Variants in CCDC102B observed in about 807,000 individuals in gnomAD.
The protein encoded by CCDC102B is coiled-coil domain containing 102B.
A neutral mutation model predicts 57.4 loss-of-function variants in CCDC102B; 75 were observed. The ratio of observed to expected loss-of-function variants is 1.31; its 90% CI spans 1.08 to 1.58. The LOEUF (loss-of-function observed/expected upper bound fraction) is 1.58, where lower values mean the gene tolerates loss of function less well. Among genes scored for constraint, CCDC102B ranks in the 40% most tolerant of loss-of-function variants. The pLI is 0.00. For missense variants in CCDC102B, 636 were observed against 582.6 expected, an observed-to-expected ratio of 1.09 and a Z score of -0.94; for synonymous variants, 206 against 201.9, an observed-to-expected ratio of 1.02 and a Z score of -0.17.
intron 6 of CCDC102B, among the ~76,000 whole-genome samples, chr18:68,900,602 G>A (rs74570112): frequency 0.018 from 2,693 of 152,098 alleles, 58 homozygotes; most frequent in East Asian, 0.081. Flanking sequence ...TAGTGGCATC[G>A]AAAGTGGGGT....
Position 69,054,840 on chromosome 18 carries a change from G to C in CCDC102B, c.*703G>C. 1 of 985,264 alleles carries C rather than the reference G, an allele frequency of 1.0e-6. No homozygotes were observed. Among genetic ancestry groups the C allele is most frequent in the Non-Finnish European group, 1.2e-6 (1 of 829,870 alleles). 61.0% of individuals were successfully genotyped at this position (985,264 alleles called of 1,614,324 possible). A position where few individuals can be genotyped will look rare whatever the true frequency, so the allele number is the denominator to read the frequency against. On this transcript the variant is annotated 3_prime_UTR_variant, in exon 8 of 8. Coordinates refer to ENST00000360242, the MANE Select transcript of CCDC102B (RefSeq NM_024781.3). Reference sequence around the variant, plus strand: ...AAAATCATGGAAAGGCATCAGCATTGCAAAGTAGCATCTAGGTAGAAATCA... The same window carrying C: ...AAAATCATGGAAAGGCATCAGCATTCCAAAGTAGCATCTAGGTAGAAATCA...
At chr18:68,933,127 C>T (rs2041734518) in intron 6 of CCDC102B, among the ~76,000 whole-genome samples, 2 of 151,342 alleles carry the variant, frequency 1.3e-5, no homozygotes, top group Admixed American at 6.6e-5. Flanking sequence ...AGAGATTATT[C>T]TTTTGCCATT....
chr18:68,727,550 A>G (rs2032654563), intron 2 of CCDC102B, among the ~76,000 whole-genome samples: 3 of 152,248 alleles, frequency 2.0e-5, no homozygotes, highest in Admixed American at 6.5e-5. Context: ...GTGGGACTCA[A>G]TGTATTCATG....
Position 69,006,873 on chromosome 18 carries a change from C to T in CCDC102B, c.1264-4061C>T, listed in dbSNP as rs180925210. Among the ~76,000 whole-genome samples the T allele has an allele frequency of 9.2e-5, 14 of 152,256 alleles. No homozygotes were observed. The East Asian group carries it at 2.1e-3, about 23-fold the overall frequency. ...TAAGTCCTCCTGATAACAAGGTGAA[C>T]GCCAGCTCTGTGATACTGTTTTGGT... On this transcript the variant is annotated intron_variant, in intron 6 of 7. Coordinates refer to ENST00000360242, the MANE Select transcript of CCDC102B (RefSeq NM_024781.3).
At chr18:68,820,171 A>G (rs1364469457) in intron 1 of CCDC102B, among the ~76,000 whole-genome samples, 2 of 152,108 alleles carry the variant, frequency 1.3e-5, no homozygotes, top group Non-Finnish European at 2.9e-5. Flanking sequence ...ATAATTCAAA[A>G]TTAAAGGGGA....
chr18:68,751,973 G>A (rs898779812), intron 2 of CCDC102B, among the ~76,000 whole-genome samples: 3 of 152,034 alleles, frequency 2.0e-5, no homozygotes, highest in African/African-American at 4.8e-5. Context: ...AGACAGAAAC[G>A]CATCAAGGTC....
chr18:68,975,739 CAG>C (rs1488667683), intron 6 of CCDC102B, among the ~76,000 whole-genome samples: 1 of 151,816 alleles, frequency 6.6e-6, no homozygotes, highest in Non-Finnish European at 1.5e-5. Flanking sequence ...TGCCTAGAGT[CAG>C]GGGTCATTGC....
chr18:68,786,161 G>C (rs1471238645), intron 2 of CCDC102B, among the ~76,000 whole-genome samples: 1 of 149,638 alleles, frequency 6.7e-6, no homozygotes, highest in Non-Finnish European at 1.5e-5. Flanking sequence ...TTATTTCTGA[G>C]GGCTCTGTTC....
At chr18:68,831,450 C>G (rs2037136324) in intron 1 of CCDC102B, among the ~76,000 whole-genome samples, 1 of 152,072 alleles carries the variant, frequency 6.6e-6, no homozygotes, top group Admixed American at 6.5e-5. Context: ...TTAATAACGA[C>G]TCTTGGCAAA....
intron 2 of CCDC102B, among the ~76,000 whole-genome samples, chr18:68,744,195 T>C (rs938657609): frequency 1.3e-5 from 2 of 152,356 alleles, no homozygotes; most frequent in East Asian, 3.9e-4. Flanking sequence ...TTGAAATTCT[T>C]AACTGGACAC....
rs569817484 is a variant in CCDC102B at position 68,999,691 on chromosome 18, C to T, written c.1264-11243C>T. Among the ~76,000 whole-genome samples, 31 of 152,228 alleles carry T rather than the reference C, an allele frequency of 2.0e-4. No individual in the cohort carries two copies. The South Asian group carries it at 5.8e-3, about 29-fold the overall frequency. On this transcript the variant is annotated intron_variant, in intron 6 of 7. Transcript: ENST00000360242. ...TTTTATGACTAATGAATATCTAAGA[C>T]TTCCCAAGTCACTCATGTCTGTCTT...
At chr18:68,732,835 C>T (rs2032944578) in intron 2 of CCDC102B, among the ~76,000 whole-genome samples, 1 of 152,030 alleles carries the variant, frequency 6.6e-6, no homozygotes, top group African/African-American at 2.4e-5. Flanking sequence ...CTTGCTATGC[C>T]AGTTACAAGT....
chr18:68,835,441 G>T (rs547079889), intron 1 of CCDC102B, among the ~76,000 whole-genome samples: 1 of 152,262 alleles, frequency 6.6e-6, no homozygotes, highest in East Asian at 1.9e-4. Context: ...TGTGAATTAT[G>T]TATCTTTAAA....
intron 2 of CCDC102B, among the ~76,000 whole-genome samples, chr18:68,777,471 T>G (rs1055100016): frequency 6.6e-6 from 1 of 152,184 alleles, no homozygotes; most frequent in African/African-American, 2.4e-5. Context: ...TAGCACTCTT[T>G]TTCTCCTTGA....
chr18:68,901,725 T>C (rs2040461264), intron 6 of CCDC102B, among the ~76,000 whole-genome samples: 1 of 152,158 alleles, frequency 6.6e-6, no homozygotes, highest in Non-Finnish European at 1.5e-5. Context: ...TCTTATTTTC[T>C]TTGCCTTTAA....
chr18:68,996,819 A>T (rs2051041013), intron 6 of CCDC102B, among the ~76,000 whole-genome samples: 1 of 152,172 alleles, frequency 6.6e-6, no homozygotes, highest in Non-Finnish European at 1.5e-5. Context: ...GGAAGGCATG[A>T]TTGGTTTTGA....
At chr18:68,787,223 G>A (rs933203510) in intron 2 of CCDC102B, among the ~76,000 whole-genome samples, 3 of 150,408 alleles carry the variant, frequency 2.0e-5, no homozygotes, top group East Asian at 1.9e-4. Context: ...TGCTGGATTC[G>A]GTTTGCCAGT....
At chr18:68,834,432 C>CATATATATATAT (rs67872866) in intron 1 of CCDC102B, among the ~76,000 whole-genome samples, 8,652 of 137,270 alleles carry the variant, frequency 0.063, 319 homozygotes, top group Non-Finnish European at 0.083. Context: ...TATGTAAATA[C>CATATATATATAT]ATATATATAT....
At chr18:68,859,780 A>G (rs1424524627) in intron 4 of CCDC102B, among the ~76,000 whole-genome samples, 6 of 61,502 alleles carry the variant, frequency 9.8e-5, no homozygotes, top group Non-Finnish European at 2.4e-4. Context: ...TAGAATGGCA[A>G]TCATTAAAAA....
Sources: gnomAD v4.1 joint callset for allele counts (sites outside exome capture counted in the v4.1 genomes callset) on GRCh38, gnomAD v4.1.1 for gene constraint, MANE v1.5 for transcripts, NCBI Gene and HGNC (gene_info 2026-07-23, HGNC 2026-07-21) for gene names.